IQGAP1: variants seen among roughly 807,000 people sequenced by gnomAD.
The protein encoded by IQGAP1 is IQ motif containing GTPase activating protein 1.
IQGAP1 carries 66 observed loss-of-function variants against 215.6 expected under a neutral mutation model. The ratio of observed to expected loss-of-function variants is 0.31; its 90% CI spans 0.25 to 0.38. IQGAP1 has a LOEUF of 0.38. Among genes scored for constraint, IQGAP1 ranks in the 10% least tolerant of loss-of-function variants. The pLI is 1.00. For synonymous variants in IQGAP1, 772 were observed against 728.7 expected, an observed-to-expected ratio of 1.06 and a Z score of -0.96; for missense variants, 1,712 against 1,997.1, an observed-to-expected ratio of 0.86 and a Z score of 2.72.
chr15:90,414,006 C>G (rs1185518503), intron 2 of IQGAP1, among the ~76,000 whole-genome samples: 2 of 152,162 alleles, frequency 1.3e-5, no homozygotes, highest in African/African-American at 4.8e-5. Flanking sequence ...TTTAGCCCCT[C>G]CTTCACGTGT....
At chr15:90,449,349 G>A (rs1290664876) in intron 10 of IQGAP1, among the ~76,000 whole-genome samples, 2 of 152,154 alleles carry the variant, frequency 1.3e-5, no homozygotes, top group African/African-American at 4.8e-5. Context: ...GTTTAAGAAT[G>A]TACTGGTATC....
At chr15:90,452,655 C>A in intron 11 of IQGAP1, 120 bp from the exon 12 acceptor site, 1 of 1,132,234 alleles carries the variant, frequency 8.8e-7, no homozygotes, top group Non-Finnish European at 1.2e-6. Context: ...ACGAAAGTTC[C>A]ACTTCAAACT....
At chr15:90,498,460 ATT>A (rs1282301589) in intron 37 of IQGAP1, among the ~76,000 whole-genome samples, 21 of 151,444 alleles carry the variant, frequency 1.4e-4, no homozygotes, top group African/African-American at 4.6e-4. Flanking sequence ...ACATATTTTT[ATT>A]TTTAAATTTT....
At chr15:90,425,300 AC>A (rs1047869754) in intron 2 of IQGAP1, among the ~76,000 whole-genome samples, 12 of 152,170 alleles carry the variant, frequency 7.9e-5, no homozygotes, top group African/African-American at 2.6e-4. Context: ...ATAGAGTGAG[AC>A]TTTGTCTCAA....
Position 90,429,642 on chromosome 15 carries a change from C to A in IQGAP1, c.366C>A (p.Ala122=). The A allele has an allele frequency of 6.2e-7, 1 of 1,608,102 alleles. No homozygotes were observed. Among genetic ancestry groups the A allele is most frequent in the South Asian group, 1.1e-5 (1 of 89,658 alleles). ...HTDNVIQWLN[A]MDEIGLPKIF... ...ATAATGTGATTCAGTGGTTGAATGC[C>A]ATGGATGAGATTGGATTGCCTAAGG... The change falls in exon 4 of 38, where the codon GCC becomes GCA. Residue 122 remains alanine (A), a synonymous_variant. Coordinates refer to ENST00000268182, the MANE Select transcript of IQGAP1 (RefSeq NM_003870.4).
At chr15:90,390,733 C>A (rs1353595319) in intron 1 of IQGAP1, 41 bp from the exon 2 acceptor site, 1 of 1,331,228 alleles carries the variant, frequency 7.5e-7, no homozygotes, top group Non-Finnish European at 1.1e-6. Context: ...CTCAGGAAGG[C>A]TACAGATCCT....
At chr15:90,430,906 A>C (rs1311882097) in intron 4 of IQGAP1, among the ~76,000 whole-genome samples, 1 of 148,750 alleles carries the variant, frequency 6.7e-6, no homozygotes, top group Non-Finnish European at 1.5e-5. Flanking sequence ...TATTGTATAC[A>C]AATATGTATA....
At chr15:90,444,282 TATATATA>T (rs1178673722) in intron 9 of IQGAP1, among the ~76,000 whole-genome samples, 20 of 97,444 alleles carry the variant, frequency 2.1e-4, no homozygotes, top group African/African-American at 7.3e-4. Context: ...TGTGTGTGTA[TATATATA>T]TTTTTTTTTT....
chr15:90,390,405 G>T (rs2440795), intron 1 of IQGAP1, among the ~76,000 whole-genome samples: 35 of 152,286 alleles, frequency 2.3e-4, no homozygotes, highest in Middle Eastern at 3.4e-3. Flanking sequence ...TGCCACTTAT[G>T]TCTCAATAAC....
intron 12 of IQGAP1, 32 bp downstream of exon 12, chr15:90,452,970 C>G: frequency 2.5e-6 from 4 of 1,609,976 alleles, no homozygotes; most frequent in Middle Eastern, 1.7e-4. Flanking sequence ...TGTTTGTGAG[C>G]AAAGTTGGGT....
intron 15 of IQGAP1, among the ~76,000 whole-genome samples, chr15:90,458,451 C>T (rs1321998259): frequency 6.6e-6 from 1 of 152,186 alleles, no homozygotes; most frequent in Non-Finnish European, 1.5e-5. Context: ...AGCTTATTCT[C>T]CGAAACCCCA....
intron 17 of IQGAP1, among the ~76,000 whole-genome samples, chr15:90,466,653 T>C (rs1965837063): frequency 6.8e-6 from 1 of 147,936 alleles, no homozygotes; most frequent in Non-Finnish European, 1.5e-5. Context: ...TTTCTGAGAA[T>C]GTGGGAAAGA....
chr15:90,401,567 A>G (rs558149833), intron 2 of IQGAP1, among the ~76,000 whole-genome samples: 4 of 152,300 alleles, frequency 2.6e-5, no homozygotes, highest in Non-Finnish European at 5.9e-5. Flanking sequence ...CATGATTAGT[A>G]CCGTTTATTG....
intron 34 of IQGAP1, 144 bp downstream of exon 34, chr15:90,491,689 A>G: frequency 1.5e-6 from 1 of 672,752 alleles, no homozygotes; most frequent in South Asian, 1.9e-5. Flanking sequence ...CTGACTCTCC[A>G]GCATGAGGGC....
In IQGAP1 at chr15:90,481,915, T is replaced by C. The variant is rs1187208574; in HGVS notation, c.3330-45T>C. The C allele has an allele frequency of 1.9e-6, 3 of 1,606,398 alleles. No homozygotes were observed. In the African/African-American group the frequency reaches 4.0e-5, roughly 21 times the overall value. On this transcript the variant is annotated intron_variant, in intron 26 of 37. Transcript: ENST00000268182. The stretch of plus-strand genomic sequence containing the variant: ...TAAGACACTTGCTTCAGGCTGTTCC[T>C]GGCTGTTAGTCTAACATAGTTGGGT...
At chr15:90,470,172 G>A (rs1351067887) in intron 18 of IQGAP1, among the ~76,000 whole-genome samples, 1 of 152,108 alleles carries the variant, frequency 6.6e-6, no homozygotes, top group Non-Finnish European at 1.5e-5. Context: ...CAATAGTGGC[G>A]ATCACATATA....
intron 2 of IQGAP1, among the ~76,000 whole-genome samples, chr15:90,402,955 A>G (rs1326843327): frequency 6.6e-6 from 1 of 152,218 alleles, no homozygotes; most frequent in Non-Finnish European, 1.5e-5. Flanking sequence ...TTTGTCTTTT[A>G]TTTAAATGAC....
At chr15:90,414,674 T>A (rs1217453509) in intron 2 of IQGAP1, among the ~76,000 whole-genome samples, 1 of 152,184 alleles carries the variant, frequency 6.6e-6, no homozygotes, top group African/African-American at 2.4e-5. Flanking sequence ...GGCACAGTGC[T>A]TCAGCTTTTA....
chr15:90,414,865 C>T (rs771040840), intron 2 of IQGAP1, among the ~76,000 whole-genome samples: 1 of 152,170 alleles, frequency 6.6e-6, no homozygotes, highest in Non-Finnish European at 1.5e-5. Context: ...CCGTGAATTG[C>T]TCATCCTCTC....
Sources: allele counts gnomAD v4.1 joint callset (sites outside exome capture counted in the v4.1 genomes callset), GRCh38; gene constraint gnomAD v4.1.1; transcripts MANE v1.5; gene names NCBI Gene and HGNC (gene_info 2026-07-23, HGNC 2026-07-21).